Variants in CDYL2 observed in about 807,000 individuals in gnomAD.
The protein encoded by CDYL2 is chromodomain Y like 2, also known as chromodomain Y-like protein 2.
In CDYL2, 23 loss-of-function variants were observed where a neutral mutation model predicts 49.4. That is an observed-to-expected ratio of 0.47 (90% CI 0.34 to 0.66). The LOEUF (loss-of-function observed/expected upper bound fraction) is 0.66. Among genes scored for constraint, CDYL2 ranks in the 30% least tolerant of loss-of-function variants. The pLI is 0.01. For synonymous variants in CDYL2, 360 were observed against 268.8 expected (o/e 1.34, Z -3.32); for missense variants, 678 against 656.4 (o/e 1.03, Z -0.36).
At chr16:80,787,177 G>A (rs1164331749) in intron 1 of CDYL2, among the ~76,000 whole-genome samples, 1 of 152,156 alleles carries the variant, frequency 6.6e-6, no homozygotes, top group Non-Finnish European at 1.5e-5. Flanking sequence ...TATGCCGGGA[G>A]TCTAGTTAAG....
Position 80,612,866 on chromosome 16 carries a change from G to A in CDYL2, c.1008-30C>T. ...GAGAGAAAGAAGATCCTCTTGAACA[G>A]GTGACTATAGCATGCTAAGCCCCAC... On this transcript the variant is annotated intron_variant, in intron 4 of 6. Transcript: ENST00000570137. The surrounding 1 kb of genome is among the most constrained non-coding windows in gnomAD (Gnocchi z 5.0). 1 of 1,567,530 alleles carries A rather than the reference G, an allele frequency of 6.4e-7. No individual in the cohort carries two copies. Among genetic ancestry groups the A allele is most frequent in the South Asian group, 1.2e-5 (1 of 84,330 alleles).
intron 1 of CDYL2, among the ~76,000 whole-genome samples, chr16:80,714,729 T>C (rs1904737844): frequency 6.6e-6 from 1 of 152,196 alleles, no homozygotes; most frequent in African/African-American, 2.4e-5. Flanking sequence ...GAAATATCTC[T>C]GCATTCTACG....
intron 3 of CDYL2, among the ~76,000 whole-genome samples, chr16:80,622,800 C>G (rs1016163536): frequency 6.6e-6 from 1 of 152,152 alleles, no homozygotes; most frequent in Non-Finnish European, 1.5e-5. Flanking sequence ...CCCATGAAAG[C>G]TAACTGTGTT....
chr16:80,770,718 A>T (rs568120103), intron 1 of CDYL2, among the ~76,000 whole-genome samples: 3 of 152,342 alleles, frequency 2.0e-5, no homozygotes, highest in South Asian at 2.1e-4. Context: ...TTAATTTTTT[A>T]AAATAAGACA....
chr16:80,651,269 A>T lies in CDYL2; in HGVS notation c.617-18033T>A, dbSNP rs59601963. Among the ~76,000 whole-genome samples, 625 of 152,312 alleles carry T rather than the reference A, an allele frequency of 4.1e-3. 5 individuals are homozygous for T. The highest frequency in any genetic ancestry group is 0.014 in the African/African-American group (594 of 41,570). ...CCACAAAAATTAAAAATAATTTTTT[A>T]AAAAAGTTAGCTATCAAGCCACCAA... On this transcript the variant is annotated intron_variant, in intron 2 of 6. Transcript: ENST00000570137.
intron 1 of CDYL2, among the ~76,000 whole-genome samples, chr16:80,695,647 A>G (rs960536469): frequency 3.9e-5 from 6 of 152,198 alleles, no homozygotes; most frequent in Non-Finnish European, 8.8e-5. Context: ...AAACTGTAAA[A>G]AGCAATAAAG....
At chr16:80,736,125 C>A (rs1348341384) in intron 1 of CDYL2, among the ~76,000 whole-genome samples, 2 of 152,246 alleles carry the variant, frequency 1.3e-5, no homozygotes, top group Admixed American at 6.5e-5. Flanking sequence ...AGGCCCAAGG[C>A]CACTGTGTGC....
At chr16:80,758,184 C>T (rs956901614) in intron 1 of CDYL2, among the ~76,000 whole-genome samples, 2 of 152,052 alleles carry the variant, frequency 1.3e-5, no homozygotes, top group African/African-American at 2.4e-5. Context: ...AGTCAATAAT[C>T]GGTGTTAGAC....
At position 80,632,916 on chromosome 16, in the gene CDYL2, A is replaced by G. The variant is rs114271315; in HGVS notation, c.834+103T>C. 392 of 1,167,814 alleles carry G rather than the reference A, an allele frequency of 3.4e-4. No individual in the cohort carries two copies. The African/African-American group carries it at 4.9e-3, about 14-fold the overall frequency. 72.3% of individuals were successfully genotyped at this position (1,167,814 alleles called of 1,614,324 possible). On this transcript the variant is annotated intron_variant, in intron 3 of 6. Coordinates refer to ENST00000570137, the MANE Select transcript of CDYL2 (RefSeq NM_152342.4). ...CAAGTTTTTATGCACGCTAGTTACC[A>G]TCCTCAGCTCCCTGATGGAAGGAAG...
intron 1 of CDYL2, among the ~76,000 whole-genome samples, chr16:80,802,504 T>C (rs947014023): frequency 6.6e-6 from 1 of 152,202 alleles, no homozygotes; most frequent in Non-Finnish European, 1.5e-5. Context: ...GCTTGGGTGA[T>C]CCATTGGCCA....
intron 1 of CDYL2, among the ~76,000 whole-genome samples, chr16:80,751,936 T>C (rs1049053979): frequency 1.3e-5 from 2 of 152,126 alleles, no homozygotes; most frequent in Non-Finnish European, 2.9e-5. Flanking sequence ...ATACTCTTTG[T>C]AGAAGGAAAC....
In CDYL2 at chr16:80,659,492, T is replaced by C. The variant is rs868172667; in HGVS notation, c.616+25046A>G. On this transcript the variant is annotated intron_variant, in intron 2 of 6. Coordinates refer to ENST00000570137, the MANE Select transcript of CDYL2 (RefSeq NM_152342.4). The stretch of plus-strand genomic sequence containing the variant: ...ATTGTGTTTACTTAAAAGAATATCC[T>C]TTTATAAAATATCCACACTAGATAT... Among the ~76,000 whole-genome samples, 7 of 152,180 alleles carry C rather than the reference T, an allele frequency of 4.6e-5. 1 individual carries two copies. The highest frequency in any genetic ancestry group is 1.2e-4 in the African/African-American group (5 of 41,450).
At chr16:80,619,040 G>C (rs1906959079) in intron 4 of CDYL2, among the ~76,000 whole-genome samples, 1 of 152,218 alleles carries the variant, frequency 6.6e-6, no homozygotes, top group Non-Finnish European at 1.5e-5. Context: ...AGTTCTGACG[G>C]AGAAGCTGTG....
chr16:80,773,038 C>T (rs1285564398), intron 1 of CDYL2, among the ~76,000 whole-genome samples: 1 of 151,784 alleles, frequency 6.6e-6, no homozygotes, highest in African/African-American at 2.4e-5. Flanking sequence ...TTTTTTAAAC[C>T]TAACTGTATG....
intron 1 of CDYL2, among the ~76,000 whole-genome samples, chr16:80,699,247 G>A (rs1453861552): frequency 6.6e-6 from 1 of 152,136 alleles, no homozygotes; most frequent in African/African-American, 2.4e-5. Flanking sequence ...TCAAGATATA[G>A]AACCAACCTA....
At chr16:80,722,756 G>GGA (rs1905041573) in intron 1 of CDYL2, among the ~76,000 whole-genome samples, 1 of 152,168 alleles carries the variant, frequency 6.6e-6, no homozygotes, top group Non-Finnish European at 1.5e-5. Flanking sequence ...TGGAATTCAA[G>GGA]GATGGATTAA....
At chr16:80,663,535 C>T (rs752141680) in intron 2 of CDYL2, among the ~76,000 whole-genome samples, 13 of 152,190 alleles carry the variant, frequency 8.5e-5, no homozygotes, top group Non-Finnish European at 1.9e-4. Context: ...CTCAGATTAT[C>T]TAATCACTAC....
At chr16:80,618,328 C>T (rs567472119) in intron 4 of CDYL2, among the ~76,000 whole-genome samples, 9 of 152,252 alleles carry the variant, frequency 5.9e-5, no homozygotes, top group Non-Finnish European at 1.0e-4. Context: ...CTGCCTCTGA[C>T]ACCTCTTTCT....
chr16:80,644,764 C>G (rs1158767820), intron 2 of CDYL2, among the ~76,000 whole-genome samples: 1 of 152,154 alleles, frequency 6.6e-6, no homozygotes, highest in Non-Finnish European at 1.5e-5. Context: ...GTAACCAAAA[C>G]AGCATGGTAC....
Sources: gnomAD v4.1 joint callset for allele counts (sites outside exome capture counted in the v4.1 genomes callset) on GRCh38, gnomAD v4.1.1 for gene constraint, Gnocchi (gnomAD v3.1) non-coding constraint, MANE v1.5 for transcripts, NCBI Gene and HGNC (gene_info 2026-07-23, HGNC 2026-07-21) for gene names.